Variants in COL4A1 observed in about 807,000 individuals in gnomAD.
COL4A1 encodes collagen type IV alpha 1 chain, also known as collagen alpha-1(IV) chain.
A neutral mutation model predicts 216.6 loss-of-function variants in COL4A1; 40 were observed. That is an observed-to-expected ratio of 0.18 (90% CI 0.14 to 0.24). The LOEUF (loss-of-function observed/expected upper bound fraction) is 0.24, where lower values mean the gene tolerates loss of function less well. Ranked by LOEUF, COL4A1 falls within the 10% of genes least tolerant of loss-of-function variation. The probability of loss-of-function intolerance (pLI) is 1.00; values close to 1 mark genes in which losing one functional copy is unlikely to be tolerated. For synonymous variants in COL4A1, 839 were observed against 810.7 expected, an observed-to-expected ratio of 1.03 and a Z score of -0.59; for missense variants, 1,628 against 2,196.8, an observed-to-expected ratio of 0.74 and a Z score of 5.18.
Position 110,169,769 on chromosome 13 carries a change from G to A in COL4A1, c.3743-7C>T, listed in dbSNP as rs1877520670. 1.2e-6 allele frequency: 2 copies of A among 1,613,734 alleles called. No individual in the cohort carries two copies. Among genetic ancestry groups the A allele is most frequent in the South Asian group, 2.2e-5 (2 of 91,070 alleles). ...CCCATGGGTCCCGGAAGTCCTAATG[G>A]AAGAGAAGAAAGCCACACATTTGGG... On this transcript the variant is annotated splice_polypyrimidine_tract_variant and splice_region_variant and intron_variant, in intron 42 of 51. Transcript: ENST00000375820.
chr13:110,222,771 T>TAAAAAAAAAAAAAAAAAAAAA lies in COL4A1; in HGVS notation c.145-8757_145-8756insTTTTTTTTTTTTTTTTTTTTT, dbSNP rs751501177. Among the ~76,000 whole-genome samples the TAAAAAAAAAAAAAAAAAAAAA allele has an allele frequency of 7.5e-5, 7 of 93,408 alleles. 1 individual carries two copies. Among genetic ancestry groups the TAAAAAAAAAAAAAAAAAAAAA allele is most frequent in the Admixed American group, 1.3e-4 (1 of 7,838 alleles). The allele number at this position is 93,408 out of a possible 152,430, so 61.3% of individuals were successfully genotyped here. ...CTGGGCGACAGAGCCAGACTCTGCTTTAAAAAAAAAAAAAAAAAAAAAAAA... is the reference window on the plus strand; with the variant it reads ...CTGGGCGACAGAGCCAGACTCTGCTTAAAAAAAAAAAAAAAAAAAAATAAAAAAAAAAAAAAAAAAAAAAAA... On this transcript the variant is annotated intron_variant, in intron 2 of 51. Coordinates refer to ENST00000375820, the MANE Select transcript of COL4A1 (RefSeq NM_001845.6).
In COL4A1 at chr13:110,164,985, G is replaced by A; in HGVS notation, c.4027C>T (p.Pro1343Ser). 6.2e-7 allele frequency: 1 copy of A among 1,604,176 alleles called. No homozygotes were observed. Among genetic ancestry groups the A allele is most frequent in the Non-Finnish European group, 8.5e-7 (1 of 1,176,026 alleles). Residue 1343 changes from proline (P) to serine (S), a missense_variant, in exon 46 of 52, where the codon CCG (proline) becomes TCG (serine). Physicochemically the swap from Pro to Ser is moderately conservative, Grantham distance 74. Transcript: ENST00000375820. The stretch of plus-strand genomic sequence containing the variant: ...GGACCTGGGGGGCCAGGAGGACCCG[G>A]GAGACCTGTGGGAATAGGGAAGGCA... Reference protein sequence around the residue: ...DQGVPGAKGLPGPPGPPGPYD... With the variant: ...DQGVPGAKGLSGPPGPPGPYD...
At position 110,211,890 on chromosome 13, in the gene COL4A1, C is replaced by G; in HGVS notation, c.420G>C (p.Leu140Phe). ...TCACGGGATTTCCAGCGAAACCAGG[C>G]AAGCCAGGAGGCCCGAGCGGCCCTC... ...GERGPLGPPG[L>F]PGFAGNPGPP... is the part of the protein sequence containing the mutation. The change falls in exon 7 of 52, where the codon TTG (leucine) becomes TTC (phenylalanine). Residue 140 changes from leucine (L) to phenylalanine (F), a missense_variant. By Grantham distance (22) the Leu-to-Phe change is conservative. Transcript: ENST00000375820. The surrounding 1 kb of genome is among the most constrained non-coding windows in gnomAD (Gnocchi z 4.3). 6.2e-7 allele frequency: 1 copy of G among 1,614,148 alleles called. No individual in the cohort carries two copies. Among genetic ancestry groups the G allele is most frequent in the Non-Finnish European group, 8.5e-7 (1 of 1,180,030 alleles).
chr13:110,244,459 T>C (rs1464657237), intron 1 of COL4A1, among the ~76,000 whole-genome samples: 2 of 152,196 alleles, frequency 1.3e-5, no homozygotes, highest in African/African-American at 4.8e-5. Context: ...ATTTGCTTCA[T>C]AATCTGGGTT....
chr13:110,263,313 A>G (rs561144121), intron 1 of COL4A1, among the ~76,000 whole-genome samples: 47 of 152,364 alleles, frequency 3.1e-4, no homozygotes, highest in African/African-American at 1.1e-3. Context: ...GCATGTAATC[A>G]AGAAGTATTG....
intron 42 of COL4A1, 146 bp downstream of exon 42, chr13:110,170,401 G>T: frequency 1.1e-6 from 1 of 874,696 alleles, no homozygotes; most frequent in Non-Finnish European, 1.8e-6. Context: ...CTCGATGGGG[G>T]CCAAACACAA....
chr13:110,253,701 C>CGTAT (rs5806846), intron 1 of COL4A1, among the ~76,000 whole-genome samples: 38,948 of 118,108 alleles, frequency 0.33, 7,300 homozygotes, highest in Non-Finnish European at 0.4. Flanking sequence ...TATAATTATA[C>CGTAT]GTATGTATTA....
intron 17 of COL4A1, among the ~76,000 whole-genome samples, chr13:110,204,429 A>C (rs1374283788): frequency 6.6e-6 from 1 of 152,194 alleles, no homozygotes; most frequent in African/African-American, 2.4e-5. Flanking sequence ...AAAAAATTAC[A>C]GCCAAGGGTT....
intron 1 of COL4A1, among the ~76,000 whole-genome samples, chr13:110,247,394 C>G (rs1353967843): frequency 6.6e-6 from 1 of 152,136 alleles, no homozygotes; most frequent in African/African-American, 2.4e-5. Flanking sequence ...AATCCCTAAA[C>G]CAAATATCTT....
intron 2 of COL4A1, among the ~76,000 whole-genome samples, chr13:110,239,009 G>C (rs1881444137): frequency 6.6e-6 from 1 of 152,182 alleles, no homozygotes; most frequent in South Asian, 2.1e-4. Flanking sequence ...CAGAGCCACT[G>C]TGTGCAAGGC....
Position 110,186,478 on chromosome 13 carries a change from G to C in COL4A1, c.1804C>G (p.Pro602Ala), listed in dbSNP as rs769247289. Residue 602 changes from proline to alanine, a missense_variant, in exon 26 of 52, where the codon CCC becomes GCC. This residue lies in a region of COL4A1 where 701 missense variants were observed against 892.5 expected (regional missense o/e 0.79). Transcript: ENST00000375820. ...GFPGSRGDTG[P>A]PGPPGYGPAG... ...GGACCATATCCTGGAGGCCCAGGGG[G>C]GCCGGTGTCACCACGACTGCCTGGG... 6.2e-7 allele frequency: 1 copy of C among 1,613,852 alleles called. No homozygotes were observed. Among genetic ancestry groups the C allele is most frequent in the South Asian group, 1.1e-5 (1 of 91,082 alleles).
chr13:110,245,768 C>T (rs1049393031), intron 1 of COL4A1, among the ~76,000 whole-genome samples: 3 of 152,118 alleles, frequency 2.0e-5, no homozygotes, highest in African/African-American at 7.2e-5. Flanking sequence ...ACCCTCGGGT[C>T]AAGACGCTTC....
At chr13:110,194,479 A>G (rs1037579476) in intron 22 of COL4A1, among the ~76,000 whole-genome samples, 1 of 152,172 alleles carries the variant, frequency 6.6e-6, no homozygotes, top group Admixed American at 6.5e-5. Context: ...GAAGAGATAA[A>G]TAAGTGTCCT....
intron 18 of COL4A1, among the ~76,000 whole-genome samples, chr13:110,202,663 G>A (rs547878276): frequency 1.3e-5 from 2 of 152,082 alleles, no homozygotes; most frequent in Non-Finnish European, 1.5e-5. Context: ...AAAAAGTCTG[G>A]GGGCAAAATG....
In COL4A1 at chr13:110,164,717, T is replaced by C. The variant is rs554467839; in HGVS notation, c.4150+145A>G. 8.6e-6 allele frequency: 11 copies of C among 1,272,206 alleles called. No homozygotes were observed. In the Admixed American group the frequency reaches 1.5e-4, roughly 17 times the overall value. The allele number at this position is 1,272,206 out of a possible 1,614,324, so 78.8% of individuals were successfully genotyped here. On this transcript the variant is annotated intron_variant, in intron 46 of 51. Transcript: ENST00000375820. ...AAAATGTCATAGGTTTTGATATGCA[T>C]TGAAGGGAGGTAAGAAACTCATATT...
At chr13:110,215,123 C>T (rs1230923933) in intron 2 of COL4A1, among the ~76,000 whole-genome samples, 1 of 152,172 alleles carries the variant, frequency 6.6e-6, no homozygotes, top group Non-Finnish European at 1.5e-5. Context: ...GTGATGGAGC[C>T]TCCAAGACGT....
chr13:110,281,462 T>C (rs1883630372), intron 1 of COL4A1, among the ~76,000 whole-genome samples: 1 of 152,122 alleles, frequency 6.6e-6, no homozygotes, highest in South Asian at 2.1e-4. Flanking sequence ...AGCCAGATCA[T>C]TCACAAACTG....
chr13:110,219,967 C>CACAT (rs1555308045), intron 2 of COL4A1, among the ~76,000 whole-genome samples: 1 of 134,168 alleles, frequency 7.5e-6, no homozygotes, highest in African/African-American at 2.8e-5. Flanking sequence ...CATACATATA[C>CACAT]ATATATATAT....
intron 1 of COL4A1, among the ~76,000 whole-genome samples, chr13:110,248,229 G>A (rs1387602413): frequency 6.6e-6 from 1 of 152,176 alleles, no homozygotes; most frequent in Non-Finnish European, 1.5e-5. Flanking sequence ...ATAAGCGTAT[G>A]GAGGCAAGAG....
Sources: allele counts gnomAD v4.1 joint callset (sites outside exome capture counted in the v4.1 genomes callset), GRCh38; gene constraint gnomAD v4.1.1; regional missense constraint gnomAD v4.1.1; non-coding constraint Gnocchi (gnomAD v3.1); transcripts MANE v1.5; gene names NCBI Gene and HGNC (gene_info 2026-07-23, HGNC 2026-07-21).